ZBBX: variants seen among roughly 807,000 people sequenced by gnomAD.
ZBBX encodes zinc finger B-box domain-containing protein 1.
In ZBBX, 101 loss-of-function variants were observed where a neutral mutation model predicts 108.5. The observed-to-expected ratio is 0.93, with a 90% CI of 0.79 to 1.10. ZBBX has a LOEUF of 1.10. Ranked by LOEUF, ZBBX falls within the 50% of genes least tolerant of loss-of-function variation. ZBBX has a pLI of 0.00. For missense variants in ZBBX, 1,009 were observed against 941.4 expected, an observed-to-expected ratio of 1.07 and a Z score of -0.94; for synonymous variants, 356 against 323.4, an observed-to-expected ratio of 1.10 and a Z score of -1.08.
chr3:167,289,568 C>T (rs1055460233), intron 18 of ZBBX, among the ~76,000 whole-genome samples: 6 of 152,200 alleles, frequency 3.9e-5, no homozygotes, highest in African/African-American at 1.2e-4. Flanking sequence ...CACTCTGGCT[C>T]GGATACTGTG....
At chr3:167,274,281 C>T (rs1056022899) in intron 20 of ZBBX, among the ~76,000 whole-genome samples, 3 of 152,182 alleles carry the variant, frequency 2.0e-5, no homozygotes, top group Non-Finnish European at 4.4e-5. Context: ...CCAATCTTCA[C>T]TTCTCTTGCA....
At chr3:167,229,569 G>A in the ZBBX span, among the ~76,000 whole-genome samples, 61 of 151,842 alleles carry the variant, frequency 4.0e-4, no homozygotes, top group South Asian at 0.011. Flanking sequence ...GGCATACTTC[G>A]GAAATATGAT....
At chr3:167,228,165 T>C in the ZBBX span, among the ~76,000 whole-genome samples, 2 of 151,870 alleles carry the variant, frequency 1.3e-5, no homozygotes, top group East Asian at 1.9e-4. Context: ...TTCCTATGAG[T>C]GGATAAAAAG....
Position 167,321,090 on chromosome 3 carries a change from T to C in ZBBX, c.983+1027A>G, listed in dbSNP as rs73879665. Among the ~76,000 whole-genome samples the C allele has an allele frequency of 4.1e-3, 618 of 152,160 alleles. 7 individuals carry two copies. Among genetic ancestry groups the C allele is most frequent in the African/African-American group, 0.013 (539 of 41,540 alleles). ...CTGGTTTTGATATGCACTATGTTTATGTAAGATGTTACCATTAGAGAAAGC... is the reference window on the plus strand; with the variant it reads ...CTGGTTTTGATATGCACTATGTTTACGTAAGATGTTACCATTAGAGAAAGC... On this transcript the variant is annotated intron_variant, in intron 12 of 21. Transcript: ENST00000675490.
At chr3:167,186,385 T>TAGGAAGGAAGGAAGGAAGGA in the ZBBX span, among the ~76,000 whole-genome samples, 1 of 150,888 alleles carries the variant, frequency 6.6e-6, no homozygotes. Context: ...CAAATATTTG[T>TAGGAAGGAAGGAAGGAAGGA]AGGAAGGAAG....
chr3:167,253,901 G>C (rs1723036073), intron 20 of ZBBX, among the ~76,000 whole-genome samples: 1 of 152,124 alleles, frequency 6.6e-6, no homozygotes, highest in Non-Finnish European at 1.5e-5. Flanking sequence ...GGCTACAAAA[G>C]AAGTAATGAA....
chr3:167,263,223 G>A (rs1245704923), intron 20 of ZBBX, among the ~76,000 whole-genome samples: 3 of 151,546 alleles, frequency 2.0e-5, no homozygotes, highest in Non-Finnish European at 1.5e-5. Flanking sequence ...TTTTAGTAGA[G>A]ACGGGGTTTC....
the ZBBX span, among the ~76,000 whole-genome samples, chr3:167,222,531 T>G: frequency 6.6e-6 from 1 of 151,826 alleles, no homozygotes; most frequent in Non-Finnish European, 1.5e-5. Context: ...GGTGACTATG[T>G]CAACAATTTA....
At chr3:167,179,241 C>A in the ZBBX span, among the ~76,000 whole-genome samples, 1 of 152,206 alleles carries the variant, frequency 6.6e-6, no homozygotes, top group African/African-American at 2.4e-5. Flanking sequence ...GGTTCCAATC[C>A]TTGAGGATTA....
At chr3:167,283,122 A>G (rs1473005782) in intron 19 of ZBBX, among the ~76,000 whole-genome samples, 1 of 152,126 alleles carries the variant, frequency 6.6e-6, no homozygotes, top group African/African-American at 2.4e-5. Context: ...ACCGATCTAA[A>G]TTAGGTTATT....
intron 20 of ZBBX, among the ~76,000 whole-genome samples, chr3:167,260,706 C>G (rs13067308): frequency 0.8 from 122,185 of 152,228 alleles, 49,247 homozygotes; most frequent in East Asian, 0.91. Flanking sequence ...AGCTATCTAC[C>G]TCCTTGAATA....
downstream of ZBBX, among the ~76,000 whole-genome samples, chr3:167,236,313 G>A (rs1427161513): frequency 6.6e-6 from 1 of 151,534 alleles, no homozygotes; most frequent in Non-Finnish European, 1.5e-5. Flanking sequence ...TGATTTTTGT[G>A]GATCACTTAT....
At chr3:167,349,145 T>A (rs945559346) in intron 9 of ZBBX, among the ~76,000 whole-genome samples, 18 of 152,106 alleles carry the variant, frequency 1.2e-4, no homozygotes, top group African/African-American at 4.1e-4. Flanking sequence ...TTGTATCTCC[T>A]ACAACAGCTA....
At chr3:167,407,652 T>C (rs967172579) in intron 1 of ZBBX, among the ~76,000 whole-genome samples, 7 of 152,050 alleles carry the variant, frequency 4.6e-5, no homozygotes, top group Admixed American at 4.6e-4. Flanking sequence ...AAGAAAATCA[T>C]GAGGAAGAAA....
the ZBBX span, among the ~76,000 whole-genome samples, chr3:167,212,227 T>C: frequency 6.6e-6 from 1 of 152,110 alleles, no homozygotes; most frequent in South Asian, 2.1e-4. Context: ...GTCCCAAGCA[T>C]ACCACAGCAG....
chr3:167,375,455 G>T (rs983329303), intron 2 of ZBBX, among the ~76,000 whole-genome samples: 2 of 151,978 alleles, frequency 1.3e-5, no homozygotes, highest in African/African-American at 4.8e-5. Flanking sequence ...AGCCAGGCGT[G>T]GTGGCATACA....
intron 20 of ZBBX, among the ~76,000 whole-genome samples, chr3:167,261,292 T>C (rs1724466783): frequency 6.6e-6 from 1 of 152,080 alleles, no homozygotes; most frequent in African/African-American, 2.4e-5. Flanking sequence ...TGCTCTATTT[T>C]TGTACTGGTT....
intron 9 of ZBBX, among the ~76,000 whole-genome samples, chr3:167,347,217 T>C (rs1304697454): frequency 2.6e-5 from 4 of 151,990 alleles, no homozygotes; most frequent in Non-Finnish European, 5.9e-5. Context: ...TTATTTATTA[T>C]TGTATATATT....
At position 167,360,704 on chromosome 3, in the gene ZBBX, T is replaced by A. The variant is rs1744362593; in HGVS notation, c.293A>T (p.Lys98Ile). ...AATCTGTTCCTTCAGCAATTTTAAT[T>A]TCACTTTTCCAGCAGAAAACTGTAT... is the stretch of plus-strand genomic sequence containing the variant. ...NVVKFSAGKVKLKLLKEQIQE... is the reference protein window; with the variant it reads ...NVVKFSAGKVILKLLKEQIQE... Residue 98 changes from lysine (K) to isoleucine (I), a missense_variant, in exon 7 of 22, where the codon AAA becomes ATA. By Grantham distance (102) the Lys-to-Ile change is moderately radical. Coordinates refer to ENST00000675490, the MANE Select transcript of ZBBX (RefSeq NM_001199201.2). 2.2e-6 allele frequency: 3 copies of A among 1,388,942 alleles called. No homozygotes were observed. The African/African-American group carries it at 4.5e-5, about 21-fold the overall frequency. The allele number at this position is 1,388,942 out of a possible 1,614,324, so 86.0% of individuals were successfully genotyped here.
Sources: gnomAD v4.1 joint callset for allele counts (sites outside exome capture counted in the v4.1 genomes callset) on GRCh38, gnomAD v4.1.1 for gene constraint, MANE v1.5 for transcripts, NCBI Gene and HGNC (gene_info 2026-07-23, HGNC 2026-07-21) for gene names.